Variants in TLE2 observed in about 807,000 individuals in gnomAD.
TLE2 encodes transducin-like enhancer protein 2.
TLE2 carries 74 observed loss-of-function variants against 97.2 expected under a neutral mutation model. That is an observed-to-expected ratio of 0.76 (90% CI 0.63 to 0.92). TLE2 has a LOEUF of 0.92. Among genes scored for constraint, TLE2 ranks in the 40% least tolerant of loss-of-function variants. TLE2 has a pLI of 0.00. For synonymous variants in TLE2, 499 were observed against 432.1 expected, an observed-to-expected ratio of 1.15 and a Z score of -1.92; for missense variants, 1,038 against 1,008.7, an observed-to-expected ratio of 1.03 and a Z score of -0.39.
At chr19:3,014,812 G>A (rs555463468) in intron 9 of TLE2, among the ~76,000 whole-genome samples, 198 bp from the exon 10 acceptor site, 1 of 152,096 alleles carries the variant, frequency 6.6e-6, no homozygotes, top group South Asian at 2.1e-4. Context: ...GGGGAGGCAG[G>A]GCAGGTGGGC....
At chr19:3,043,305 C>T (rs558282722) in intron 1 of TLE2, among the ~76,000 whole-genome samples, 16 of 151,410 alleles carry the variant, frequency 1.1e-4, no homozygotes, top group South Asian at 6.3e-4. Flanking sequence ...CTTCCAGCCT[C>T]GGCCTGCCAA....
intron 19 of TLE2, among the ~76,000 whole-genome samples, chr19:2,999,025 G>A (rs960189236): frequency 3.9e-4 from 60 of 152,274 alleles, no homozygotes; most frequent in African/African-American, 1.4e-3. Flanking sequence ...GGTTGGCACG[G>A]TGGCTCGGCG....
chr19:3,043,665 C>T (rs1234093680), intron 1 of TLE2, among the ~76,000 whole-genome samples: 1 of 151,246 alleles, frequency 6.6e-6, no homozygotes, highest in East Asian at 1.9e-4. Flanking sequence ...AAAAAATTAG[C>T]CAGGCATGGT....
chr19:3,003,223 A>G (rs1205676170), intron 17 of TLE2, among the ~76,000 whole-genome samples: 7 of 152,080 alleles, frequency 4.6e-5, no homozygotes, highest in Non-Finnish European at 1.0e-4. Flanking sequence ...CACAGGGAGG[A>G]GGGAGAGAGG....
In TLE2 at chr19:3,005,973, G is replaced by C; in HGVS notation, c.1501-5C>G. 2 of 1,609,958 alleles carry C rather than the reference G, an allele frequency of 1.2e-6. No homozygotes were observed. The highest frequency in any genetic ancestry group is 1.7e-6 in the Non-Finnish European group (2 of 1,176,738). On this transcript the variant is annotated splice_polypyrimidine_tract_variant and splice_region_variant and intron_variant, in intron 15 of 19. Coordinates refer to ENST00000262953, the MANE Select transcript of TLE2 (RefSeq NM_003260.5). ...ACGAATGTAGTTGTCTCGGTTCTGG[G>C]GTCGGGGAGAGAAGCAGGGGCTGGG... is the stretch of plus-strand genomic sequence containing the variant.
chr19:3,021,106 A>AT (rs2089830072), intron 5 of TLE2, among the ~76,000 whole-genome samples: 1 of 120,504 alleles, frequency 8.3e-6, no homozygotes, highest in South Asian at 3.4e-4. Context: ...AAAAAAAAAA[A>AT]AAAAAAAAGG....
intron 4 of TLE2, chr19:3,025,468 G>T (rs1055982065): frequency 5.8e-6 from 6 of 1,026,836 alleles, no homozygotes; most frequent in Non-Finnish European, 7.0e-6. Flanking sequence ...TCCGCCTGGA[G>T]TCCCAGATTC....
chr19:3,029,317 G>A (rs1166119213), upstream of TLE2: 69 of 187,266 alleles, frequency 3.7e-4, no homozygotes, highest in Middle Eastern at 7.9e-3. Context: ...AGGTGGCGCC[G>A]CCGCCCCCAC....
At chr19:3,001,710 G>A (rs2089364136) in intron 18 of TLE2, among the ~76,000 whole-genome samples, 1 of 151,620 alleles carries the variant, frequency 6.6e-6, no homozygotes, top group African/African-American at 2.4e-5. Flanking sequence ...CCTGGTCTTG[G>A]GCGATCCTTC....
intron 1 of TLE2, among the ~76,000 whole-genome samples, chr19:3,043,329 T>C (rs930969777): frequency 6.7e-6 from 1 of 148,740 alleles, no homozygotes; most frequent in African/African-American, 2.5e-5. Context: ...GCTGGGATTA[T>C]AGGCGTGAGC....
At position 3,028,385 on chromosome 19, in the gene TLE2, G is replaced by A; in HGVS notation, c.123-3C>T. The A allele has an allele frequency of 6.2e-7, 1 of 1,600,388 alleles. No individual in the cohort carries two copies. ...GCTTCTCACATTCTAGCTTGAGGCT[G>A]AGAAGAAGAGAGAGGGCAAGGGGCT... On this transcript the variant is annotated splice_region_variant and splice_polypyrimidine_tract_variant and intron_variant, in intron 2 of 19. Transcript: ENST00000262953.
chr19:3,047,293 G>A (rs1047500498), upstream of TLE2, among the ~76,000 whole-genome samples: 4 of 146,298 alleles, frequency 2.7e-5, no homozygotes, highest in Non-Finnish European at 6.1e-5. Flanking sequence ...CGGGGAGGGG[G>A]CTCGGAGCCC....
At chr19:3,037,195 G>C (rs112345934) in intron 1 of TLE2, among the ~76,000 whole-genome samples, 2 of 152,212 alleles carry the variant, frequency 1.3e-5, no homozygotes, top group Non-Finnish European at 2.9e-5. Flanking sequence ...TGAGGCAGGA[G>C]AATTGCTTGA....
chr19:3,030,742 C>T (rs1042400732), upstream of TLE2, among the ~76,000 whole-genome samples: 12 of 151,722 alleles, frequency 7.9e-5, no homozygotes, highest in Non-Finnish European at 1.3e-4. Flanking sequence ...TGGACAACAC[C>T]GCGACAATAC....
intron 1 of TLE2, among the ~76,000 whole-genome samples, chr19:3,034,952 C>T (rs1452440314): frequency 6.6e-6 from 1 of 152,168 alleles, no homozygotes; most frequent in South Asian, 2.1e-4. Flanking sequence ...GGAACAGGGG[C>T]ATTGCCCGGT....
At chr19:3,021,130 A>C (rs2089834211) in intron 5 of TLE2, among the ~76,000 whole-genome samples, 1 of 109,394 alleles carries the variant, frequency 9.1e-6, no homozygotes. Context: ...GGGGGTGCTG[A>C]GCGTGGTGAC....
At chr19:3,022,494 A>C (rs920475504) in intron 5 of TLE2, among the ~76,000 whole-genome samples, 4 of 151,006 alleles carry the variant, frequency 2.6e-5, no homozygotes, top group Non-Finnish European at 5.9e-5. Context: ...GTGCCATTGC[A>C]CTCCAGCCCG....
intron 12 of TLE2, among the ~76,000 whole-genome samples, chr19:3,010,368 A>G (rs34730609): frequency 3.2e-5 from 3 of 93,812 alleles, no homozygotes; most frequent in Admixed American, 2.3e-4. Context: ...CCGTCTCAAA[A>G]AAAAAGGAAA....
intron 9 of TLE2, among the ~76,000 whole-genome samples, chr19:3,014,860 G>A (rs2089669026): frequency 6.6e-6 from 1 of 152,022 alleles, no homozygotes; most frequent in Non-Finnish European, 1.5e-5. Flanking sequence ...TGGACTACAT[G>A]AGTGCCCTGT....
Sources: allele counts gnomAD v4.1 joint callset (sites outside exome capture counted in the v4.1 genomes callset), GRCh38; gene constraint gnomAD v4.1.1; transcripts MANE v1.5; gene names NCBI Gene and HGNC (gene_info 2026-07-23, HGNC 2026-07-21).